RAB38: variants seen among roughly 807,000 people sequenced by gnomAD.
RAB38 encodes the protein RAB38, member RAS oncogene family.
RAB38 carries 15 observed loss-of-function variants against 18.4 expected under a neutral mutation model. The ratio of observed to expected loss-of-function variants is 0.82; its 90% CI spans 0.55 to 1.26. The LOEUF (loss-of-function observed/expected upper bound fraction) is 1.26. RAB38 is among the 50% of genes most tolerant of loss of function. The pLI is 0.00. For missense variants in RAB38, 294 were observed against 267.4 expected (o/e 1.10, Z -0.69); for synonymous variants, 101 against 104.4 (o/e 0.97, Z 0.20).
the RAB38 span, among the ~76,000 whole-genome samples, chr11:88,069,610 A>G: frequency 6.6e-6 from 1 of 152,246 alleles, no homozygotes; most frequent in African/African-American, 2.4e-5. Flanking sequence ...GGATGCACCA[A>G]TCAGCACTCT....
chr11:87,894,062 C>G, the RAB38 span, among the ~76,000 whole-genome samples: 1 of 151,662 alleles, frequency 6.6e-6, no homozygotes, highest in East Asian at 2.0e-4. Flanking sequence ...GAATGTTTTA[C>G]CATTTATTTC....
At chr11:88,098,847 A>T in the RAB38 span, 1 of 151,974 alleles carries the variant, frequency 6.6e-6, no homozygotes, top group Non-Finnish European at 1.5e-5. Flanking sequence ...CCAGGTACAG[A>T]AAAACCAAAC....
chr11:88,013,522 G>C, the RAB38 span, among the ~76,000 whole-genome samples: 2 of 152,124 alleles, frequency 1.3e-5, no homozygotes, highest in Non-Finnish European at 2.9e-5. Flanking sequence ...AAAAAGCAAT[G>C]CTGAGATTTT....
the RAB38 span, among the ~76,000 whole-genome samples, chr11:88,077,240 C>T: frequency 1.3e-5 from 2 of 151,752 alleles, no homozygotes. Flanking sequence ...TTTAAAGATT[C>T]AATCCTGGTC....
the RAB38 span, among the ~76,000 whole-genome samples, chr11:87,944,841 G>T: frequency 6.6e-6 from 1 of 152,186 alleles, no homozygotes; most frequent in African/African-American, 2.4e-5. Flanking sequence ...AGGGTTTGGG[G>T]GTGTTTTTGT....
the RAB38 span, among the ~76,000 whole-genome samples, chr11:88,004,524 A>G: frequency 6.6e-6 from 1 of 151,270 alleles, no homozygotes; most frequent in East Asian, 1.9e-4. Flanking sequence ...CATTACACTT[A>G]TATCACTCTT....
At chr11:87,817,755 C>G in the RAB38 span, among the ~76,000 whole-genome samples, 2 of 152,078 alleles carry the variant, frequency 1.3e-5, no homozygotes, top group African/African-American at 4.8e-5. Context: ...CTGAAAAATT[C>G]CAGTAGTATC....
At chr11:87,817,776 T>A in the RAB38 span, among the ~76,000 whole-genome samples, 1 of 152,194 alleles carries the variant, frequency 6.6e-6, no homozygotes, top group African/African-American at 2.4e-5. Flanking sequence ...TTCTAATGGC[T>A]GTGATAATCA....
chr11:87,849,118 C>T, the RAB38 span, among the ~76,000 whole-genome samples: 19 of 152,154 alleles, frequency 1.2e-4, no homozygotes, highest in African/African-American at 4.3e-4. Context: ...ACATGACTTT[C>T]GCCACCATAG....
At chr11:87,839,278 A>G in the RAB38 span, among the ~76,000 whole-genome samples, 31 of 152,322 alleles carry the variant, frequency 2.0e-4, no homozygotes, top group African/African-American at 6.7e-4. Flanking sequence ...CAACTATGTA[A>G]TACATTGCTT....
At chr11:88,140,746 T>G (rs994905247) in intron 2 of RAB38, among the ~76,000 whole-genome samples, 4 of 152,050 alleles carry the variant, frequency 2.6e-5, no homozygotes, top group Middle Eastern at 3.2e-3. Context: ...GGAGTAGAGA[T>G]AAGCTTGGAG....
At chr11:87,920,799 T>G in the RAB38 span, among the ~76,000 whole-genome samples, 2 of 152,130 alleles carry the variant, frequency 1.3e-5, no homozygotes, top group African/African-American at 2.4e-5. Context: ...AATCATTGCT[T>G]TTTATATTTT....
At chr11:88,043,560 G>A in the RAB38 span, among the ~76,000 whole-genome samples, 1 of 151,758 alleles carries the variant, frequency 6.6e-6, no homozygotes, top group Admixed American at 6.6e-5. Context: ...TCCTTTGCCT[G>A]GCTCATCCTG....
chr11:87,918,883 C>T, the RAB38 span, among the ~76,000 whole-genome samples: 12 of 151,470 alleles, frequency 7.9e-5, no homozygotes, highest in African/African-American at 2.7e-4. Flanking sequence ...GGTGTGATCC[C>T]ATTTGTCTGT....
the RAB38 span, among the ~76,000 whole-genome samples, chr11:87,908,096 C>T: frequency 4.0e-5 from 6 of 151,838 alleles, no homozygotes; most frequent in Admixed American, 3.9e-4. Context: ...TAAGACTTAA[C>T]ATAATTCTCT....
chr11:88,159,698 T>A (rs1268140783), intron 1 of RAB38, among the ~76,000 whole-genome samples: 1 of 151,996 alleles, frequency 6.6e-6, no homozygotes, highest in Non-Finnish European at 1.5e-5. Flanking sequence ...ATCTCATCTT[T>A]AACAAAGATG....
chr11:87,925,952 G>A, the RAB38 span, among the ~76,000 whole-genome samples: 1 of 151,794 alleles, frequency 6.6e-6, no homozygotes, highest in Non-Finnish European at 1.5e-5. Flanking sequence ...AAGTCTTTAC[G>A]GAGGGAACAG....
At chr11:87,845,518 A>G in the RAB38 span, among the ~76,000 whole-genome samples, 1 of 152,252 alleles carries the variant, frequency 6.6e-6, no homozygotes, top group African/African-American at 2.4e-5. Flanking sequence ...GAGAGATATA[A>G]AAAATGACCA....
chr11:87,892,203 A>G, the RAB38 span, among the ~76,000 whole-genome samples: 3 of 151,822 alleles, frequency 2.0e-5, no homozygotes, highest in African/African-American at 7.2e-5. Context: ...TTCTGGTCCA[A>G]GCTCACTCAC....
Sources: gnomAD v4.1 joint callset for allele counts (sites outside exome capture counted in the v4.1 genomes callset) on GRCh38, gnomAD v4.1.1 for gene constraint, MANE v1.5 for transcripts, NCBI Gene and HGNC (gene_info 2026-07-23, HGNC 2026-07-21) for gene names.